PFDN4: variants seen among roughly 807,000 people sequenced by gnomAD.
The protein encoded by PFDN4 is prefoldin subunit 4, also known as prefoldin 4.
Under a neutral mutation model 17.6 loss-of-function variants are expected in PFDN4, and 6 were observed. The ratio of observed to expected loss-of-function variants is 0.34; its 90% CI spans 0.19 to 0.67. The LOEUF (loss-of-function observed/expected upper bound fraction) is 0.67. Among genes scored for constraint, PFDN4 ranks in the 30% least tolerant of loss-of-function variants. The pLI, the probability that PFDN4 is intolerant of heterozygous loss-of-function variation, is 0.68. For synonymous variants in PFDN4, 48 were observed against 51.1 expected (o/e 0.94, Z 0.26); for missense variants, 119 against 158.4 (o/e 0.75, Z 1.33).
rs2092751066 is a variant in PFDN4, at chr20:54,208,425, C to A, written c.24+301C>A. 4 of 384,488 alleles carry A rather than the reference C, an allele frequency of 1.0e-5. No homozygotes were observed. In the South Asian group the frequency reaches 1.8e-4, roughly 18 times the overall value. The allele number at this position is 384,488 out of a possible 1,614,324, so 23.8% of individuals were successfully genotyped here. On this transcript the variant is annotated intron_variant, in intron 1 of 3. Transcript: ENST00000371419. The stretch of plus-strand genomic sequence containing the variant: ...CCGGGGAGTCTGAGGAACCTGCAGC[C>A]CCGGCCTCGCCCCTGAGGTGTGGGA...
rs2092766946 is a variant in PFDN4, at chr20:54,219,495, G to C, written c.*345G>C. ...TTAACAGTTGTGTCATGTTGTTTCTGTCTGATTTTAATTGCTGTCTAATGA... is the reference window on the plus strand; with the variant it reads ...TTAACAGTTGTGTCATGTTGTTTCTCTCTGATTTTAATTGCTGTCTAATGA... On this transcript the variant is annotated 3_prime_UTR_variant, in exon 4 of 4. Transcript: ENST00000371419. 2.6e-6 allele frequency: 1 copy of C among 385,124 alleles called. No individual in the cohort carries two copies. Among genetic ancestry groups the C allele is most frequent in the African/African-American group, 2.1e-5 (1 of 48,354 alleles). The allele number at this position is 385,124 out of a possible 1,614,324, so 23.9% of individuals were successfully genotyped here.
intron 1 of PFDN4, among the ~76,000 whole-genome samples, chr20:54,211,385 C>G (rs2092755646): frequency 6.6e-6 from 1 of 152,180 alleles, no homozygotes; most frequent in Non-Finnish European, 1.5e-5. Flanking sequence ...TTTGGCCTAG[C>G]AGAATTTCTT....
rs6023038 is a variant in PFDN4, at chr20:54,212,186, C to G, written c.25-2165C>G. Among the ~76,000 whole-genome samples, 904 of 132,318 alleles carry G rather than the reference C, an allele frequency of 6.8e-3. 7 individuals carry two copies. The highest frequency in any genetic ancestry group is 9.7e-3 in the Admixed American group (137 of 14,120). The allele number at this position is 132,318 out of a possible 152,430, so 86.8% of individuals were successfully genotyped here. ...TCAGCCTGGGCGACAGAGTGAGACT[C>G]TGTCTCACCAAAAAAAAAAAAAAAT... On this transcript the variant is annotated intron_variant, in intron 1 of 3. Transcript: ENST00000371419.
At chr20:54,211,159 T>C (rs1001960632) in intron 1 of PFDN4, among the ~76,000 whole-genome samples, 3 of 152,178 alleles carry the variant, frequency 2.0e-5, no homozygotes, top group African/African-American at 7.2e-5. Context: ...TTGGTAGATA[T>C]GTTTTTAAAA....
chr20:54,217,293 C>T (rs960224068), intron 3 of PFDN4, among the ~76,000 whole-genome samples: 2 of 134,376 alleles, frequency 1.5e-5, no homozygotes, highest in Non-Finnish European at 3.2e-5. Flanking sequence ...CGGCGGGGGG[C>T]GGGGGGTTCT....
At chr20:54,210,363 T>C (rs914674448) in intron 1 of PFDN4, among the ~76,000 whole-genome samples, 3 of 152,248 alleles carry the variant, frequency 2.0e-5, no homozygotes, top group African/African-American at 7.2e-5. Context: ...ATGTACACTT[T>C]TCCCCTTTGC....
chr20:54,219,413 T>A lies in PFDN4; in HGVS notation c.*263T>A, dbSNP rs966579783. The A allele has an allele frequency of 1.9e-5, 7 of 367,488 alleles. No homozygotes were observed. The highest frequency in any genetic ancestry group is 1.5e-4 in the African/African-American group (7 of 48,032). The allele number at this position is 367,488 out of a possible 1,614,324, so 22.8% of individuals were successfully genotyped here. Reference sequence around the variant, plus strand: ...TGTTATTAAAATCAGTTAAGCAATCTTTTATGTTTCTATATTATTTAGAAT... The same window carrying A: ...TGTTATTAAAATCAGTTAAGCAATCATTTATGTTTCTATATTATTTAGAAT... On this transcript the variant is annotated 3_prime_UTR_variant, in exon 4 of 4. Transcript: ENST00000371419.
intron 3 of PFDN4, among the ~76,000 whole-genome samples, chr20:54,218,089 G>A (rs1007355732): frequency 3.3e-5 from 5 of 151,554 alleles, no homozygotes; most frequent in African/African-American, 1.2e-4. Context: ...TAATGTTAGT[G>A]GGTATTTGGT....
chr20:54,211,298 C>T (rs763477188), intron 1 of PFDN4, among the ~76,000 whole-genome samples: 18 of 152,218 alleles, frequency 1.2e-4, no homozygotes, highest in Middle Eastern at 3.4e-3. Context: ...CCTCTAATCC[C>T]GTAAGATATT....
chr20:54,211,915 G>A (rs1440635515), intron 1 of PFDN4, among the ~76,000 whole-genome samples: 1 of 152,132 alleles, frequency 6.6e-6, no homozygotes, highest in Admixed American at 6.6e-5. Context: ...ACTTCTGGCT[G>A]GGCGTGGTGG....
At chr20:54,209,571 C>T (rs1217289670) in intron 1 of PFDN4, among the ~76,000 whole-genome samples, 3 of 152,158 alleles carry the variant, frequency 2.0e-5, no homozygotes, top group Admixed American at 6.5e-5. Context: ...ATTCACTTCA[C>T]CTCTAGTTTG....
chr20:54,211,537 C>A (rs2092755819), intron 1 of PFDN4, among the ~76,000 whole-genome samples: 1 of 152,210 alleles, frequency 6.6e-6, no homozygotes, highest in South Asian at 2.1e-4. Context: ...TAGGAACTAG[C>A]CTCTCCATTT....
At chr20:54,216,695 C>T (rs551933374) in intron 3 of PFDN4, among the ~76,000 whole-genome samples, 45 of 152,010 alleles carry the variant, frequency 3.0e-4, no homozygotes, top group Middle Eastern at 3.4e-3. Flanking sequence ...CTTGCCCTGT[C>T]GCCCAGGCTG....
intron 1 of PFDN4, among the ~76,000 whole-genome samples, chr20:54,210,877 G>A (rs774560001): frequency 4.6e-5 from 7 of 152,200 alleles, no homozygotes; most frequent in African/African-American, 7.2e-5. Flanking sequence ...AGTGCATGGC[G>A]TATAGGAAAC....
intron 1 of PFDN4, among the ~76,000 whole-genome samples, chr20:54,210,735 G>C (rs938668916): frequency 5.1e-4 from 77 of 152,226 alleles, no homozygotes; most frequent in African/African-American, 1.7e-3. Context: ...CTCCTAAGCT[G>C]TTTTATTTTC....
intron 1 of PFDN4, among the ~76,000 whole-genome samples, chr20:54,212,034 A>C (rs746698753): frequency 1.3e-5 from 2 of 152,020 alleles, no homozygotes; most frequent in Non-Finnish European, 2.9e-5. Flanking sequence ...CTCTACTAAA[A>C]ATACGAAAAT....
intron 1 of PFDN4, among the ~76,000 whole-genome samples, chr20:54,212,347 G>A (rs2092757062): frequency 1.3e-5 from 2 of 152,146 alleles, no homozygotes; most frequent in Admixed American, 1.3e-4. Flanking sequence ...TCCACTGGGC[G>A]GCATGCAGTA....
Position 54,208,137 on chromosome 20 carries a change from C to A in PFDN4, c.24+13C>A. On this transcript the variant is annotated intron_variant, in intron 1 of 3. Transcript: ENST00000371419. ...CATGAAGAAGGCGGTGAGTGGGGAG[C>A]TCGGGGCTCTGGATGCTCGGGCGGC... 6.5e-7 allele frequency: 1 copy of A among 1,549,248 alleles called. No homozygotes were observed. Among genetic ancestry groups the A allele is most frequent in the Non-Finnish European group, 8.7e-7 (1 of 1,145,998 alleles).
At chr20:54,217,191 C>T (rs992710918) in intron 3 of PFDN4, among the ~76,000 whole-genome samples, 6 of 151,848 alleles carry the variant, frequency 4.0e-5, no homozygotes, top group Non-Finnish European at 8.8e-5. Context: ...GAGGAATCTA[C>T]ACTAGTCTGG....
Sources: allele counts gnomAD v4.1 joint callset (sites outside exome capture counted in the v4.1 genomes callset), GRCh38; gene constraint gnomAD v4.1.1; transcripts MANE v1.5; gene names NCBI Gene and HGNC (gene_info 2026-07-23, HGNC 2026-07-21).